The following USP8 variants were observed in gnomAD, a reference collection of about 807,000 sequenced individuals.
The protein encoded by USP8 is ubiquitin specific peptidase 8.
USP8 carries 27 observed loss-of-function variants against 130.0 expected under a neutral mutation model. That is an observed-to-expected ratio of 0.21 (90% confidence interval 0.15 to 0.29). USP8 has a LOEUF of 0.29. Among genes scored for constraint, USP8 ranks in the 10% least tolerant of loss-of-function variants. The probability of loss-of-function intolerance (pLI) is 1.00; values close to 1 mark genes in which losing one functional copy is unlikely to be tolerated. For missense variants in USP8, 1,029 were observed against 1,312.2 expected (o/e 0.78, Z 3.33); for synonymous variants, 392 against 444.1 (o/e 0.88, Z 1.48).
chr15:50,457,898 AAAG>A (rs1397252608), intron 4 of USP8, among the ~76,000 whole-genome samples: 1 of 151,964 alleles, frequency 6.6e-6, no homozygotes, highest in Non-Finnish European at 1.5e-5. Context: ...AAAAAGAAAA[AAAG>A]AGCATATAAA....
intron 12 of USP8, among the ~76,000 whole-genome samples, chr15:50,489,247 G>T (rs2052072242): frequency 6.6e-6 from 1 of 152,072 alleles, no homozygotes; most frequent in South Asian, 2.1e-4. Flanking sequence ...ATGACTTTAG[G>T]TAGATTTAGA....
intron 18 of USP8, 167 bp downstream of exon 18, chr15:50,497,398 C>A: frequency 1.4e-6 from 1 of 725,096 alleles, no homozygotes; most frequent in Non-Finnish European, 2.0e-6. Context: ...TGTTAGTTCA[C>A]CTCAGTGTTT....
chr15:50,493,886 G>A (rs571158748), intron 15 of USP8, 184 bp from the exon 16 acceptor site: 9 of 783,488 alleles, frequency 1.1e-5, no homozygotes, highest in Admixed American at 7.5e-5. Context: ...AAAGAAGGAA[G>A]CTGAAGGGAT....
At chr15:50,453,144 G>C (rs1050721755) in intron 4 of USP8, among the ~76,000 whole-genome samples, 1 of 152,232 alleles carries the variant, frequency 6.6e-6, no homozygotes, top group African/African-American at 2.4e-5. Flanking sequence ...GCAAGGTCCT[G>C]CTGGAGATTT....
Position 50,490,518 on chromosome 15 carries a change from G to C in USP8, c.2227G>C (p.Glu743Gln). 6.2e-7 allele frequency: 1 copy of C among 1,613,158 alleles called. No homozygotes were observed. The highest frequency in any genetic ancestry group is 8.5e-7 in the Non-Finnish European group (1 of 1,179,802). The change falls in exon 14 of 20, where the codon GAA (glutamate) becomes CAA (glutamine). Residue 743 changes from glutamate to glutamine, a missense_variant. Physicochemically the swap from Glu to Gln is conservative, Grantham distance 29. Around this residue, in one of 4 missense-constraint regions of USP8, gnomAD observed 486 missense variants for 522.0 expected, o/e 0.93. Coordinates refer to ENST00000307179, the MANE Select transcript of USP8 (RefSeq NM_005154.5). ...AACAGTAACTCCAACAGTTAATCGG[G>C]AAAACAAGTATGTTTATCTTAACTC... ...KPTVTPTVNRENKPTCYPKAE... is the reference protein window; with the variant it reads ...KPTVTPTVNRQNKPTCYPKAE...
chr15:50,439,759 C>A (rs1188772136), intron 2 of USP8, among the ~76,000 whole-genome samples: 1 of 149,630 alleles, frequency 6.7e-6, no homozygotes, highest in African/African-American at 2.4e-5. Flanking sequence ...GATTGCACTG[C>A]AGCTTGGGCA....
chr15:50,494,734 G>T (rs1201502841), intron 16 of USP8, among the ~76,000 whole-genome samples: 2 of 152,126 alleles, frequency 1.3e-5, no homozygotes, highest in East Asian at 3.8e-4. Context: ...GAATTACTTG[G>T]CTGGGCACAG....
At chr15:50,451,758 A>C (rs2141269154) in intron 4 of USP8, among the ~76,000 whole-genome samples, 1 of 152,318 alleles carries the variant, frequency 6.6e-6, no homozygotes. Flanking sequence ...TTCTGTAATA[A>C]GTCAACCACA....
rs2052590902 is a variant in USP8, at chr15:50,501,665, C to T, written c.*2577C>T. On this transcript the variant is annotated 3_prime_UTR_variant, in exon 20 of 20. Coordinates refer to ENST00000307179, the MANE Select transcript of USP8 (RefSeq NM_005154.5). Reference sequence around the variant, plus strand: ...ACAAAAAATAATGTATCTCATTTTCCTTTTTCCATGTCTTTCCTAACCCAG... The same window carrying T: ...ACAAAAAATAATGTATCTCATTTTCTTTTTTCCATGTCTTTCCTAACCCAG... 6.6e-6 allele frequency: 1 copy of T among 152,084 alleles called. No homozygotes were observed. Among genetic ancestry groups the T allele is most frequent in the South Asian group, 2.1e-4 (1 of 4,824 alleles). 9.4% of individuals were successfully genotyped at this position (152,084 alleles called of 1,614,324 possible).
chr15:50,498,365 C>A, intron 18 of USP8: 1 of 447,916 alleles, frequency 2.2e-6, no homozygotes, highest in Non-Finnish European at 3.9e-6. Context: ...CTCTACCATT[C>A]TGGCTGTTTG....
At chr15:50,473,822 T>TA (rs1566870751) in intron 8 of USP8, among the ~76,000 whole-genome samples, 6 of 148,738 alleles carry the variant, frequency 4.0e-5, no homozygotes, top group African/African-American at 7.6e-5. Flanking sequence ...ATATATATAT[T>TA]TTTTTAATTT....
rs139097983 is a variant in USP8 at position 50,507,793 on chromosome 15, A to G, written c.*8705A>G. 10,701 of 152,258 alleles carry G rather than the reference A, an allele frequency of 0.07. 611 individuals carry two copies. Among genetic ancestry groups the G allele is most frequent in the African/African-American group, 0.15 (6,124 of 41,530 alleles). 9.4% of individuals were successfully genotyped at this position (152,258 alleles called of 1,614,324 possible). On this transcript the variant is annotated 3_prime_UTR_variant, in exon 20 of 20. Transcript: ENST00000307179. ...AAATGTAAAAGAGTTAGTTTAGGCC[A>G]GGCACGGTGGCTCATGCCTGTAATC...
rs2051766701 is a variant in USP8, at chr15:50,481,510, A to C, written c.1248A>C (p.Lys416Asn). The change falls in exon 11 of 20, where the codon AAA becomes AAC. Residue 416 changes from lysine (K) to asparagine (N), a missense_variant. By Grantham distance (94) the Lys-to-Asn change is moderately conservative (BLOSUM62 0). Transcript: ENST00000307179. ...QIDRTKKPAVKLPEEHRIKSE... is the reference protein window; with the variant it reads ...QIDRTKKPAVNLPEEHRIKSE... ...ATCGTACTAAAAAACCAGCAGTCAA[A>C]TTGCCTGAAGAGCATAGAATAAAAT... The C allele has an allele frequency of 3.1e-6, 5 of 1,592,626 alleles. No homozygotes were observed. The East Asian group carries it at 1.1e-4, about 36-fold the overall frequency.
rs79081538 is a variant in USP8, at chr15:50,462,615, G to C, written c.541+293G>C. On this transcript the variant is annotated intron_variant, in intron 6 of 19. Transcript: ENST00000307179. The stretch of plus-strand genomic sequence containing the variant: ...GTACTTGTTTTCTTTTCAACATGCA[G>C]TTTAGCAATAATGGTTAAGAGCATG... Among the ~76,000 whole-genome samples the C allele has an allele frequency of 1.9e-3, 295 of 152,284 alleles. 1 individual carries two copies. Among genetic ancestry groups the C allele is most frequent in the Non-Finnish European group, 3.7e-3 (254 of 68,014 alleles).
In USP8 at chr15:50,501,548, A is replaced by G. The variant is rs143913877; in HGVS notation, c.*2460A>G. On this transcript the variant is annotated 3_prime_UTR_variant, in exon 20 of 20. Transcript: ENST00000307179. ...AGTTAGGATAAGCCACAGAAGAGAC[A>G]TTTAACATTAGAATAAGGATCTTAA... 1 of 151,660 alleles carries G rather than the reference A, an allele frequency of 6.6e-6. No homozygotes were observed. The highest frequency in any genetic ancestry group is 2.4e-5 in the African/African-American group (1 of 41,312). 9.4% of individuals were successfully genotyped at this position (151,660 alleles called of 1,614,324 possible). A position where few individuals can be genotyped will look rare whatever the true frequency, so the allele number is the denominator to read the frequency against.
At position 50,513,908 on chromosome 15, in the gene USP8, A is replaced by C. The variant is rs934576241; in HGVS notation, c.*14820A>C. Reference sequence around the variant, plus strand: ...TGCGTATTTCTGAACCAGGAGTTTCACTCCTAGGTATGTACTCAAAAGAAC... The same window carrying C: ...TGCGTATTTCTGAACCAGGAGTTTCCCTCCTAGGTATGTACTCAAAAGAAC... On this transcript the variant is annotated 3_prime_UTR_variant, in exon 20 of 20. Transcript: ENST00000307179. The C allele has an allele frequency of 6.6e-6, 1 of 152,110 alleles. No individual in the cohort carries two copies. The highest frequency in any genetic ancestry group is 1.5e-5 in the Non-Finnish European group (1 of 68,022). 9.4% of individuals were successfully genotyped at this position (152,110 alleles called of 1,614,324 possible).
At chr15:50,470,744 C>T (rs1047363732) in intron 7 of USP8, among the ~76,000 whole-genome samples, 5 of 151,990 alleles carry the variant, frequency 3.3e-5, no homozygotes, top group Admixed American at 1.3e-4. Context: ...GGATTACAGG[C>T]GCCTGCCACC....
At chr15:50,473,523 A>G (rs2051452136) in intron 8 of USP8, among the ~76,000 whole-genome samples, 5 of 152,066 alleles carry the variant, frequency 3.3e-5, no homozygotes, top group Admixed American at 2.6e-4. Flanking sequence ...TTTAAGAGAC[A>G]AGGTTTTTCT....
At position 50,476,966 on chromosome 15, in the gene USP8, C is replaced by T. The variant is rs141527925; in HGVS notation, c.967C>T (p.Arg323Cys). ...TGCTAAGGTCACTCCACCCCCACGACGCCAGAATGAAGAGGTGTCTATCTC... is the reference window on the plus strand; with the variant it reads ...TGCTAAGGTCACTCCACCCCCACGATGCCAGAATGAAGAGGTGTCTATCTC... The part of the protein sequence containing the change: ...TNAKVTPPPR[R>C]QNEEVSISLD... Residue 323 changes from arginine to cysteine, a missense_variant, in exon 9 of 20, where the codon CGC becomes TGC. Physicochemically the swap from Arg to Cys is radical, Grantham distance 180. Coordinates refer to ENST00000307179, the MANE Select transcript of USP8 (RefSeq NM_005154.5). The T allele has an allele frequency of 3.7e-6, 6 of 1,606,864 alleles. No homozygotes were observed. Among genetic ancestry groups the T allele is most frequent in the Admixed American group, 1.7e-5 (1 of 57,254 alleles).
Sources: allele counts gnomAD v4.1 joint callset (sites outside exome capture counted in the v4.1 genomes callset), GRCh38; gene constraint gnomAD v4.1.1; regional missense constraint gnomAD v4.1.1; transcripts MANE v1.5; gene names NCBI Gene and HGNC (gene_info 2026-07-23, HGNC 2026-07-21).